Variants in COMP observed in about 807,000 individuals in gnomAD.
The protein encoded by COMP is cartilage oligomeric matrix protein.
A neutral mutation model predicts 95.8 loss-of-function variants in COMP; 79 were observed. That is an observed-to-expected ratio of 0.82 (90% CI 0.69 to 0.99). The LOEUF (loss-of-function observed/expected upper bound fraction) is 0.99, where lower values mean the gene tolerates loss of function less well. Ranked by LOEUF, COMP falls within the 50% of genes least tolerant of loss-of-function variation. The probability of loss-of-function intolerance (pLI) is 0.00; values close to 1 mark genes in which losing one functional copy is unlikely to be tolerated. For missense variants in COMP, 906 were observed against 1,076.1 expected (o/e 0.84, Z 2.21); for synonymous variants, 438 against 433.9 (o/e 1.01, Z -0.12).
chr19:18,789,353 C>A lies in COMP; in HGVS notation c.391-56G>T. On this transcript the variant is annotated intron_variant, in intron 4 of 18. Transcript: ENST00000222271. This position sits in a 1 kb window ranked among gnomAD's most constrained non-coding sequence, Gnocchi z 6.1. ...GGGCTTCGAGCTGGGCCCTGGGGGC[C>A]GCACCTCGTAGTGTCTCGGATGTGG... 1 of 1,415,300 alleles carries A rather than the reference C, an allele frequency of 7.1e-7. No homozygotes were observed. The highest frequency in any genetic ancestry group is 9.3e-7 in the Non-Finnish European group (1 of 1,079,868). 87.7% of individuals were successfully genotyped at this position (1,415,300 alleles called of 1,614,324 possible). A position where few individuals can be genotyped will look rare whatever the true frequency, so the allele number is the denominator to read the frequency against.
rs367884907 is a variant in COMP at position 18,784,397 on chromosome 19, C to T, written c.1915-34G>A. 1.9e-5 allele frequency: 30 copies of T among 1,612,870 alleles called. No homozygotes were observed. The highest frequency in any genetic ancestry group is 2.3e-5 in the Non-Finnish European group (27 of 1,179,708). On this transcript the variant is annotated intron_variant, in intron 16 of 18. Coordinates refer to ENST00000222271, the MANE Select transcript of COMP (RefSeq NM_000095.3). The surrounding 1 kb of genome is among the most constrained non-coding windows in gnomAD (Gnocchi z 4.9). ...ACCCAGGAAAGGTGGTCAGAGACCTCGTGGGCCACCGGAGCCCCCCTAGAC... is the reference window on the plus strand; with the variant it reads ...ACCCAGGAAAGGTGGTCAGAGACCTTGTGGGCCACCGGAGCCCCCCTAGAC...
In COMP at chr19:18,788,701, G is replaced by C; in HGVS notation, c.653C>G (p.Ala218Gly). 6.5e-7 allele frequency: 1 copy of C among 1,541,050 alleles called. No individual in the cohort carries two copies. The highest frequency in any genetic ancestry group is 1.2e-5 in the South Asian group (1 of 83,810). The change falls in exon 7 of 19, where the codon GCG becomes GGG. Residue 218 changes from alanine to glycine, a missense_variant. By Grantham distance (60) the Ala-to-Gly change is moderately conservative (BLOSUM62 0). Transcript: ENST00000222271. This position sits in a 1 kb window ranked among gnomAD's most constrained non-coding sequence, Gnocchi z 4.7. ...PCQPGFVGDQ[A>G]SGCQRRAQRF... is the part of the protein sequence containing the mutation. ...CTGTGCGCGCCGCTGGCAGCCGGAC[G>C]CCTGGTCGCCCACGAAGCCGGGCTG...
Position 18,785,016 on chromosome 19 carries a change from G to GC in COMP, c.1793dup (p.Phe599LeufsTer103). 1 of 1,614,100 alleles carries GC rather than the reference G, an allele frequency of 6.2e-7. No homozygotes were observed. The highest frequency in any genetic ancestry group is 1.3e-5 in the African/African-American group (1 of 75,008). On this transcript the variant is annotated frameshift_variant, in exon 16 of 19. Transcript: ENST00000222271. LOFTEE classifies it high-confidence loss of function. ...AGCTGTCCTGGTAGCCAAAGATGAA[G>GC]CCCGCATAGTCGTCATCCGTGACCG...
Position 18,782,973 on chromosome 19 carries a change from G to A in COMP, c.2228-12C>T, listed in dbSNP as rs1323545820. 2 of 1,612,658 alleles carry A rather than the reference G, an allele frequency of 1.2e-6. No individual in the cohort carries two copies. The highest frequency in any genetic ancestry group is 1.7e-6 in the Non-Finnish European group (2 of 1,179,986). ...CTCTGGGATGGTGTCTGCAGGGAGAGGGCAGGCGGGTGAGGGCTGAGAAGG... is the reference window on the plus strand; with the variant it reads ...CTCTGGGATGGTGTCTGCAGGGAGAAGGCAGGCGGGTGAGGGCTGAGAAGG... On this transcript the variant is annotated splice_polypyrimidine_tract_variant and intron_variant, in intron 18 of 18. Coordinates refer to ENST00000222271, the MANE Select transcript of COMP (RefSeq NM_000095.3).
At position 18,790,864 on chromosome 19, in the gene COMP, G is replaced by C. The variant is rs2055208145; in HGVS notation, c.151C>G (p.Leu51Val). The C allele has an allele frequency of 6.4e-7, 1 of 1,565,988 alleles. No homozygotes were observed. The highest frequency in any genetic ancestry group is 1.4e-5 in the African/African-American group (1 of 73,834). ...GGGCCCCGCACCTGCTGCCGCAGCA[G>C]CTCCCGCACGTCCTGCAGCGCCGCG... ...TNAALQDVRE[L>V]LRQQVREITF... Residue 51 changes from leucine (L) to valine (V), a missense_variant, in exon 2 of 19, where the codon CTG (leucine) becomes GTG (valine). By Grantham distance (32) the Leu-to-Val change is conservative (BLOSUM62 1). Transcript: ENST00000222271.
In COMP at chr19:18,784,275, C is replaced by T; in HGVS notation, c.2003G>A (p.Trp668Ter). Residue 668 changes from tryptophan to a stop codon, truncating the protein, a stop_gained, in exon 17 of 19, where the codon TGG (tryptophan) becomes TAG (stop). Transcript: ENST00000222271. LOFTEE classifies it high-confidence loss of function. This position sits in a 1 kb window ranked among gnomAD's most constrained non-coding sequence, Gnocchi z 4.9. ...CCAACCCACGTTTCGCGGGTCCTTCCACAGCAGCCGCACCTGGGACTCTGT... is the reference window on the plus strand; with the variant it reads ...CCAACCCACGTTTCGCGGGTCCTTCTACAGCAGCCGCACCTGGGACTCTGT... ...GDTESQVRLLWKDPRNVGWKD... is the reference protein window; with the variant it reads ...GDTESQVRLL The T allele has an allele frequency of 6.2e-7, 1 of 1,614,110 alleles. No homozygotes were observed. Among genetic ancestry groups the T allele is most frequent in the Admixed American group, 1.7e-5 (1 of 60,012 alleles).
intron 3 of COMP, 55 bp downstream of exon 3, chr19:18,790,507 C>T: frequency 6.2e-7 from 1 of 1,604,696 alleles, no homozygotes; most frequent in Non-Finnish European, 8.5e-7. Flanking sequence ...CTGTCTCTGT[C>T]TCTGTGTCTC....
At chr19:18,787,796 G>T in intron 9 of COMP, 146 bp from the exon 10 acceptor site, 1 of 1,003,786 alleles carries the variant, frequency 1.0e-6, no homozygotes, top group Non-Finnish European at 1.5e-6. Context: ...CCTCATCCAA[G>T]CCACGCCCCA....
chr19:18,785,011 A>G lies in COMP; in HGVS notation c.1799T>C (p.Ile600Thr), dbSNP rs2145899685. The change falls in exon 16 of 19, where the codon ATC becomes ACC. Residue 600 changes from isoleucine (I) to threonine (T), a missense_variant. Ile to Thr is a moderately conservative substitution (Grantham distance 89). Transcript: ENST00000222271. ...TVTDDDYAGF[I>T]FGYQDSSSFY... ...GCTGGAGCTGTCCTGGTAGCCAAAG[A>G]TGAAGCCCGCATAGTCGTCATCCGT... 6.2e-7 allele frequency: 1 copy of G among 1,614,092 alleles called. No homozygotes were observed. The highest frequency in any genetic ancestry group is 8.5e-7 in the Non-Finnish European group (1 of 1,180,002).
At position 18,784,767 on chromosome 19, in the gene COMP, C is replaced by A; in HGVS notation, c.1914+129G>T. 2 of 1,034,388 alleles carry A rather than the reference C, an allele frequency of 1.9e-6. No homozygotes were observed. Among genetic ancestry groups the A allele is most frequent in the Non-Finnish European group, 2.9e-6 (2 of 681,584 alleles). The allele number at this position is 1,034,388 out of a possible 1,614,324, so 64.1% of individuals were successfully genotyped here. ...GGGACTGCGGGAGCCCAGAGGAGGG[C>A]TGGGACAGCTTTGAGGTCCATAGTA... On this transcript the variant is annotated intron_variant, in intron 16 of 18. Coordinates refer to ENST00000222271, the MANE Select transcript of COMP (RefSeq NM_000095.3). The surrounding 1 kb of genome is among the most constrained non-coding windows in gnomAD (Gnocchi z 4.9).
chr19:18,788,282 T>C lies in COMP; in HGVS notation c.905A>G (p.Asp302Gly), dbSNP rs1248996138. 2 of 1,613,002 alleles carry C rather than the reference T, an allele frequency of 1.2e-6. No homozygotes were observed. The highest frequency in any genetic ancestry group is 1.7e-5 in the Admixed American group (1 of 60,022). Residue 302 changes from aspartate (D) to glycine (G), a missense_variant, in exon 9 of 19, where the codon GAT becomes GGT. Physicochemically the swap from Asp to Gly is moderately conservative, Grantham distance 94 (BLOSUM62 -1). Transcript: ENST00000222271. The surrounding 1 kb of genome is among the most constrained non-coding windows in gnomAD (Gnocchi z 4.7). ...GTCTCCGATGCCATCGCGGTCCACA[T>C]CCTCCTGCCCTGAGTTGGGCACAGT... ...CVTVPNSGQEDVDRDGIGDAC... is the reference protein window; with the variant it reads ...CVTVPNSGQEGVDRDGIGDAC...
At chr19:18,785,637 G>A (rs762347570) in intron 14 of COMP, 36 bp downstream of exon 14, 2 of 1,613,520 alleles carry the variant, frequency 1.2e-6, no homozygotes, top group South Asian at 1.1e-5. Context: ...GGGGGTTCTA[G>A]GGTCCCATCA....
intron 3 of COMP, 103 bp from the exon 4 acceptor site, chr19:18,790,217 C>A: frequency 2.3e-6 from 2 of 888,592 alleles, no homozygotes; most frequent in Middle Eastern, 3.5e-4. Flanking sequence ...CCCCTTCCCC[C>A]CCACCCCCCG....
Position 18,790,003 on chromosome 19 carries a change from C to T in COMP, c.329G>A (p.Arg110His). Residue 110 changes from arginine to histidine, a missense_variant, in exon 4 of 19, where the codon CGC (arginine) becomes CAC (histidine). Physicochemically the swap from Arg to His is conservative, Grantham distance 29. Transcript: ENST00000222271. ...VACIQTESGA[R>H]CGPCPAGFTG... ...GAAGCCCGCGGGGCAGGGGCCGCAG[C>T]GCGCGCCGCTCTCCGTCTGGATGCA... 1 of 1,589,902 alleles carries T rather than the reference C, an allele frequency of 6.3e-7. No individual in the cohort carries two copies. The highest frequency in any genetic ancestry group is 2.3e-5 in the East Asian group (1 of 44,306).
At position 18,788,127 on chromosome 19, in the gene COMP, C is replaced by G. The variant is rs1016042915; in HGVS notation, c.975+85G>C. The G allele has an allele frequency of 1.2e-5, 14 of 1,124,848 alleles. No homozygotes were observed. Among genetic ancestry groups the G allele is most frequent in the Non-Finnish European group, 1.7e-5 (13 of 753,688 alleles). The allele number at this position is 1,124,848 out of a possible 1,614,324, so 69.7% of individuals were successfully genotyped here. ...CCATGATGGCCAGGATGGTCTCCAT[C>G]TCTTGACCTCGTGATCCGCCCGCCT... On this transcript the variant is annotated intron_variant, in intron 9 of 18. Transcript: ENST00000222271. The surrounding 1 kb of genome is among the most constrained non-coding windows in gnomAD (Gnocchi z 4.7).
In COMP at chr19:18,788,757, C is replaced by T. The variant is rs771779223; in HGVS notation, c.604-7G>A. 2 of 1,582,634 alleles carry T rather than the reference C, an allele frequency of 1.3e-6. No homozygotes were observed. The highest frequency in any genetic ancestry group is 1.7e-6 in the Non-Finnish European group (2 of 1,164,254). On this transcript the variant is annotated splice_polypyrimidine_tract_variant and splice_region_variant and intron_variant, in intron 6 of 18. Coordinates refer to ENST00000222271, the MANE Select transcript of COMP (RefSeq NM_000095.3). The surrounding 1 kb of genome is among the most constrained non-coding windows in gnomAD (Gnocchi z 4.7). ...GGCCGCACTGGAAGGAGCCCTGCGCCGGAGCCGCCGGAGGTCAGCGCAGGC... is the reference window on the plus strand; with the variant it reads ...GGCCGCACTGGAAGGAGCCCTGCGCTGGAGCCGCCGGAGGTCAGCGCAGGC...
At chr19:18,785,201 T>G in intron 15 of COMP, 109 bp from the exon 16 acceptor site, 1 of 1,107,398 alleles carries the variant, frequency 9.0e-7, no homozygotes, top group Non-Finnish European at 1.3e-6. Flanking sequence ...CCTGCAGACC[T>G]GCACCATTCC....
chr19:18,791,003 G>C, intron 1 of COMP, 68 bp from the exon 2 acceptor site: 1 of 1,539,138 alleles, frequency 6.5e-7, no homozygotes. Flanking sequence ...TCCCACCGTT[G>C]CAGCGAACCC....
chr19:18,789,318 G>A lies in COMP; in HGVS notation c.391-21C>T, dbSNP rs1399473798. The A allele has an allele frequency of 6.8e-7, 1 of 1,461,142 alleles. No homozygotes were observed. Among genetic ancestry groups the A allele is most frequent in the Non-Finnish European group, 9.0e-7 (1 of 1,107,356 alleles). 90.5% of individuals were successfully genotyped at this position (1,461,142 alleles called of 1,614,324 possible). On this transcript the variant is annotated intron_variant, in intron 4 of 18. Transcript: ENST00000222271. The surrounding 1 kb of genome is among the most constrained non-coding windows in gnomAD (Gnocchi z 6.1). ...TTGCACTGGGGGAGGAGGGGCCACA[G>A]AGGGTCAGAGGGCTTCGAGCTGGGC...
Sources: allele counts gnomAD v4.1 joint callset, GRCh38; gene constraint gnomAD v4.1.1; non-coding constraint Gnocchi (gnomAD v3.1); transcripts MANE v1.5; gene names NCBI Gene and HGNC (gene_info 2026-07-23, HGNC 2026-07-21).